The following MAPKAP1 variants were observed in gnomAD, a reference collection of about 807,000 sequenced individuals.
MAPKAP1 encodes target of rapamycin complex 2 subunit MAPKAP1.
Under a neutral mutation model 65.7 loss-of-function variants are expected in MAPKAP1, and 20 were observed. That is an observed-to-expected ratio of 0.30 (90% confidence interval 0.21 to 0.44). The LOEUF (loss-of-function observed/expected upper bound fraction) is 0.44. Among genes scored for constraint, MAPKAP1 ranks in the 20% least tolerant of loss-of-function variants. MAPKAP1 has a pLI of 1.00. For missense variants in MAPKAP1, 423 were observed against 648.0 expected (o/e 0.65, Z 3.77); for synonymous variants, 222 against 244.3 (o/e 0.91, Z 0.85).
chr9:125,440,298 C>A (rs1852432222), intron 11 of MAPKAP1, among the ~76,000 whole-genome samples: 1 of 152,192 alleles, frequency 6.6e-6, no homozygotes, highest in Non-Finnish European at 1.5e-5. Context: ...AGGCCAATGA[C>A]AATAATGTCA....
At chr9:125,620,503 G>C (rs372842029) in intron 4 of MAPKAP1, among the ~76,000 whole-genome samples, 2 of 152,260 alleles carry the variant, frequency 1.3e-5, no homozygotes, top group East Asian at 1.9e-4. Flanking sequence ...AATTCTGCTT[G>C]AAATTTATCC....
Position 125,541,932 on chromosome 9 carries a change from G to A in MAPKAP1, c.958+1127C>T, listed in dbSNP as rs375974480. The stretch of plus-strand genomic sequence containing the variant: ...ACGGCGCAGTCAGCTGGCAAAAGCC[G>A]AAACGTGCAGTTGGCACATCTGGAC... On this transcript the variant is annotated intron_variant, in intron 7 of 11. Coordinates refer to ENST00000265960, the MANE Select transcript of MAPKAP1 (RefSeq NM_001006617.3). Among the ~76,000 whole-genome samples the A allele has an allele frequency of 2.6e-4, 39 of 152,340 alleles. 1 individual carries two copies. The South Asian group carries it at 7.0e-3, about 28-fold the overall frequency.
chr9:125,620,195 G>C (rs1832856171), intron 4 of MAPKAP1, among the ~76,000 whole-genome samples: 1 of 152,172 alleles, frequency 6.6e-6, no homozygotes, highest in African/African-American at 2.4e-5. Flanking sequence ...TGTAATCCCA[G>C]CTACTCTGAA....
At chr9:125,693,135 G>A (rs577660721) in intron 1 of MAPKAP1, among the ~76,000 whole-genome samples, 23 of 152,094 alleles carry the variant, frequency 1.5e-4, no homozygotes, top group African/African-American at 5.1e-4. Flanking sequence ...AAAACAGGCC[G>A]GGCACAGTGG....
chr9:125,526,972 A>G (rs1218450218), intron 7 of MAPKAP1, among the ~76,000 whole-genome samples: 5 of 150,824 alleles, frequency 3.3e-5, no homozygotes, highest in Non-Finnish European at 7.4e-5. Flanking sequence ...GTAGGGTTTC[A>G]CTGTGTTAGC....
chr9:125,698,269 A>G (rs1835450207), intron 1 of MAPKAP1, among the ~76,000 whole-genome samples: 1 of 94,606 alleles, frequency 1.1e-5, no homozygotes, highest in Non-Finnish European at 1.8e-5. Context: ...ATAAATATAT[A>G]TAATACATAA....
At chr9:125,485,850 A>C (rs1381220026) in intron 8 of MAPKAP1, among the ~76,000 whole-genome samples, 2 of 152,172 alleles carry the variant, frequency 1.3e-5, no homozygotes, top group Non-Finnish European at 2.9e-5. Flanking sequence ...AAGTGACTTT[A>C]TCTCTCTGAA....
intron 6 of MAPKAP1, among the ~76,000 whole-genome samples, chr9:125,547,329 G>T (rs1564551811): frequency 6.6e-6 from 1 of 152,136 alleles, no homozygotes; most frequent in African/African-American, 2.4e-5. Flanking sequence ...ACTCAAGTTG[G>T]AAGGCAGCAT....
At chr9:125,634,248 G>A (rs1833364321) in intron 4 of MAPKAP1, among the ~76,000 whole-genome samples, 1 of 152,132 alleles carries the variant, frequency 6.6e-6, no homozygotes, top group Non-Finnish European at 1.5e-5. Flanking sequence ...GCTGATAAGA[G>A]GTTTGAGAAA....
At chr9:125,600,102 T>G (rs537952211) in intron 4 of MAPKAP1, among the ~76,000 whole-genome samples, 5 of 152,306 alleles carry the variant, frequency 3.3e-5, no homozygotes, top group African/African-American at 1.2e-4. Context: ...CAAATGAAGT[T>G]TGATTAATAG....
intron 1 of MAPKAP1, among the ~76,000 whole-genome samples, chr9:125,705,379 T>A (rs1835726177): frequency 6.6e-6 from 1 of 152,088 alleles, no homozygotes; most frequent in Non-Finnish European, 1.5e-5. Context: ...ACCCAAATAC[T>A]CAAAGTTTAG....
intron 1 of MAPKAP1, among the ~76,000 whole-genome samples, chr9:125,677,400 G>A (rs1834678628): frequency 1.3e-5 from 2 of 151,766 alleles, no homozygotes; most frequent in South Asian, 4.2e-4. Flanking sequence ...GACTCCATCT[G>A]AAAAAAATAA....
rs201745701 is a variant in MAPKAP1, at chr9:125,617,042, T to TTG, written c.499-31317_499-31316dup. Among the ~76,000 whole-genome samples, 658 of 152,306 alleles carry TTG rather than the reference T, an allele frequency of 4.3e-3. 6 individuals carry two copies. The highest frequency in any genetic ancestry group is 0.015 in the African/African-American group (616 of 41,554). ...TAATATGCATGTTATGTGTTTCTAT[T>TTG]TGTGTGTGTGTGAAGTGACAGATAT... On this transcript the variant is annotated intron_variant, in intron 4 of 11. Coordinates refer to ENST00000265960, the MANE Select transcript of MAPKAP1 (RefSeq NM_001006617.3).
Position 125,672,388 on chromosome 9 carries a change from C to T in MAPKAP1, c.187G>A (p.Gly63Ser), listed in dbSNP as rs1358243406. Residue 63 changes from glycine to serine, a missense_variant, in exon 2 of 12, where the codon GGC becomes AGC. Physicochemically the swap from Gly to Ser is moderately conservative, Grantham distance 56. Around this residue, in one of 6 missense-constraint regions of MAPKAP1, gnomAD observed 58 missense variants for 56.9 expected, o/e 1.02. Coordinates refer to ENST00000265960, the MANE Select transcript of MAPKAP1 (RefSeq NM_001006617.3). ...EIQGSNGETQ[G>S]YVYAQSVDIT... ...TCGACTGACTGGGCATATACATAGCCCTGAGTCTCACCATTGCTTCCCTGA... is the reference window on the plus strand; with the variant it reads ...TCGACTGACTGGGCATATACATAGCTCTGAGTCTCACCATTGCTTCCCTGA... 6.2e-7 allele frequency: 1 copy of T among 1,614,156 alleles called. No individual in the cohort carries two copies.
intron 9 of MAPKAP1, among the ~76,000 whole-genome samples, chr9:125,482,094 T>G (rs1854338732): frequency 7.0e-6 from 1 of 142,670 alleles, no homozygotes; most frequent in Admixed American, 7.3e-5. Context: ...ATCAAGTCAT[T>G]GCACTCCAGC....
intron 4 of MAPKAP1, among the ~76,000 whole-genome samples, chr9:125,646,943 T>C (rs1833743166): frequency 6.6e-6 from 1 of 152,218 alleles, no homozygotes; most frequent in African/African-American, 2.4e-5. Context: ...TTGATTACTA[T>C]AACCATACTT....
chr9:125,537,188 G>A (rs768181253), intron 7 of MAPKAP1, among the ~76,000 whole-genome samples: 2 of 152,142 alleles, frequency 1.3e-5, no homozygotes, highest in Non-Finnish European at 2.9e-5. Context: ...AGGAAACTTG[G>A]GTACATTTAA....
intron 10 of MAPKAP1, among the ~76,000 whole-genome samples, chr9:125,459,303 C>T (rs958303421): frequency 3.1e-4 from 47 of 150,140 alleles, no homozygotes; most frequent in African/African-American, 1.2e-3. Flanking sequence ...GGATGGCGGC[C>T]AGGCAGAGAT....
Position 125,564,892 on chromosome 9 carries a change from A to G in MAPKAP1, c.672-5083T>C, listed in dbSNP as rs140278509. 7.4e-3 allele frequency among the ~76,000 whole-genome samples: 1,133 copies of G among 152,326 alleles called. 19 individuals carry two copies. Among genetic ancestry groups the G allele is most frequent in the African/African-American group, 0.025 (1,057 of 41,566 alleles). Reference sequence around the variant, plus strand: ...ACCACCAGAGAAAGACGAATGATCAAAAGAACAATGAACAAGTACAGGATA... The same window carrying G: ...ACCACCAGAGAAAGACGAATGATCAGAAGAACAATGAACAAGTACAGGATA... On this transcript the variant is annotated intron_variant, in intron 5 of 11. Coordinates refer to ENST00000265960, the MANE Select transcript of MAPKAP1 (RefSeq NM_001006617.3).
Sources: gnomAD v4.1 joint callset for allele counts (sites outside exome capture counted in the v4.1 genomes callset) on GRCh38, gnomAD v4.1.1 for gene constraint, gnomAD v4.1.1 regional missense constraint, MANE v1.5 for transcripts, NCBI Gene and HGNC (gene_info 2026-07-23, HGNC 2026-07-21) for gene names.